The following LGR4 variants were observed in gnomAD, a reference collection of about 807,000 sequenced individuals.
LGR4 encodes leucine rich repeat containing G protein-coupled receptor 4.
In LGR4, 44 loss-of-function variants were observed where a neutral mutation model predicts 84.8. The observed-to-expected ratio is 0.52, with a 90% CI of 0.41 to 0.67. The LOEUF (loss-of-function observed/expected upper bound fraction) is 0.67. Ranked by LOEUF, LGR4 falls within the 30% of genes least tolerant of loss-of-function variation. The pLI, the probability that LGR4 is intolerant of heterozygous loss-of-function variation, is 0.00. For synonymous variants in LGR4, 429 were observed against 434.3 expected (o/e 0.99, Z 0.15); for missense variants, 1,032 against 1,131.4 (o/e 0.91, Z 1.26).
At chr11:27,437,828 T>A (rs1160126659) in intron 1 of LGR4, among the ~76,000 whole-genome samples, 1 of 151,932 alleles carries the variant, frequency 6.6e-6, no homozygotes, top group Non-Finnish European at 1.5e-5. Context: ...ATAGTGAGAT[T>A]CTGTCTCTAC....
At chr11:27,411,726 T>C (rs531202518) in intron 2 of LGR4, among the ~76,000 whole-genome samples, 7 of 152,256 alleles carry the variant, frequency 4.6e-5, no homozygotes, top group African/African-American at 1.7e-4. Flanking sequence ...GGGAGCATTA[T>C]GTTTGACTAA....
chr11:27,374,345 A>G (rs1661456942), intron 13 of LGR4, among the ~76,000 whole-genome samples: 2 of 152,220 alleles, frequency 1.3e-5, no homozygotes, highest in South Asian at 2.1e-4. Flanking sequence ...ATGATATGAT[A>G]TAACCTTTGG....
intron 17 of LGR4, among the ~76,000 whole-genome samples, chr11:27,370,207 T>G (rs1862854200): frequency 6.6e-6 from 1 of 152,238 alleles, no homozygotes; most frequent in Non-Finnish European, 1.5e-5. Flanking sequence ...TGTTAAGATA[T>G]TCACAGACCT....
intron 2 of LGR4, among the ~76,000 whole-genome samples, chr11:27,403,157 A>C (rs1411851136): frequency 6.6e-6 from 1 of 152,224 alleles, no homozygotes; most frequent in Non-Finnish European, 1.5e-5. Context: ...ACATCCAATA[A>C]ACAAAGACTA....
chr11:27,400,907 G>A (rs1486085778), intron 2 of LGR4, among the ~76,000 whole-genome samples: 3 of 152,128 alleles, frequency 2.0e-5, no homozygotes, highest in African/African-American at 4.8e-5. Flanking sequence ...GTTCTGCTTC[G>A]ACACTGTTGC....
chr11:27,443,144 CTAG>C (rs1864331060), intron 1 of LGR4, among the ~76,000 whole-genome samples: 1 of 152,134 alleles, frequency 6.6e-6, no homozygotes, highest in South Asian at 2.1e-4. Context: ...AATGGAAGGC[CTAG>C]AGTCTTACTG....
At chr11:27,451,291 C>T (rs557001813) in intron 1 of LGR4, among the ~76,000 whole-genome samples, 1 of 152,278 alleles carries the variant, frequency 6.6e-6, no homozygotes, top group African/African-American at 2.4e-5. Flanking sequence ...ACCCACCAGA[C>T]ATCACTTAAG....
intron 2 of LGR4, among the ~76,000 whole-genome samples, chr11:27,397,877 G>T (rs1423137749): frequency 2.0e-5 from 3 of 152,172 alleles, no homozygotes; most frequent in Non-Finnish European, 4.4e-5. Context: ...TGCTACAACA[G>T]CCCCAGAAGC....
rs544155492 is a variant in LGR4 at position 27,390,161 on chromosome 11, G to A, written c.401+933C>T. Among the ~76,000 whole-genome samples, 10 of 151,848 alleles carry A rather than the reference G, an allele frequency of 6.6e-5. No homozygotes were observed. In the South Asian group the frequency reaches 8.3e-4, roughly 13 times the overall value. On this transcript the variant is annotated intron_variant, in intron 4 of 17. Coordinates refer to ENST00000379214, the MANE Select transcript of LGR4 (RefSeq NM_018490.5). ...TTTCCAGGGATGTCTCTTTGGTGCCGTTAAAAATGGCTTTATGTTAGCAAA... is the reference window on the plus strand; with the variant it reads ...TTTCCAGGGATGTCTCTTTGGTGCCATTAAAAATGGCTTTATGTTAGCAAA...
chr11:27,373,377 G>A (rs1348168997), intron 15 of LGR4, 174 bp downstream of exon 15: 1 of 536,286 alleles, frequency 1.9e-6, no homozygotes, highest in South Asian at 4.0e-5. Context: ...CTTAAAGACT[G>A]TGGAATAATG....
In LGR4 at chr11:27,377,159, T is replaced by A. The variant is rs1435873921; in HGVS notation, c.1108A>T (p.Ile370Phe). 5.1e-6 allele frequency: 8 copies of A among 1,575,054 alleles called. No homozygotes were observed. The highest frequency in any genetic ancestry group is 7.0e-6 in the Non-Finnish European group (8 of 1,149,558). ...SFNGCHALEE[I>F]SLQRNQIYQI... is the part of the protein sequence containing the mutation. ...GGAATAAGTCAAAGACCAACTCACA[T>A]TTCTTCCAGAGCATGGCAACCATTA... is the stretch of plus-strand genomic sequence containing the variant. Residue 370 changes from isoleucine (I) to phenylalanine (F), a missense_variant and splice_region_variant, in exon 12 of 18, where the codon ATT (isoleucine) becomes TTT (phenylalanine). Physicochemically the swap from Ile to Phe is conservative, Grantham distance 21. Coordinates refer to ENST00000379214, the MANE Select transcript of LGR4 (RefSeq NM_018490.5).
chr11:27,412,496 G>A (rs945645284), intron 2 of LGR4, among the ~76,000 whole-genome samples: 1 of 152,128 alleles, frequency 6.6e-6, no homozygotes, highest in African/African-American at 2.4e-5. Context: ...GAATAACACT[G>A]TAATTAACTG....
chr11:27,378,833 C>A, intron 10 of LGR4, 65 bp from the exon 11 acceptor site: 1 of 1,103,636 alleles, frequency 9.1e-7, no homozygotes, highest in Non-Finnish European at 1.4e-6. Context: ...AATTTATTCC[C>A]ATATAGAATA....
chr11:27,420,376 G>A lies in LGR4; in HGVS notation c.186-7516C>T, dbSNP rs141782430. Among the ~76,000 whole-genome samples, 3 of 152,214 alleles carry A rather than the reference G, an allele frequency of 2.0e-5. No homozygotes were observed. The East Asian group carries it at 5.8e-4, about 30-fold the overall frequency. ...TCTGTGCCTGTGTGCTAGGACAAGT[G>A]AGACACAGTCTCTACCCTCAAGAGC... On this transcript the variant is annotated intron_variant, in intron 1 of 17. Coordinates refer to ENST00000379214, the MANE Select transcript of LGR4 (RefSeq NM_018490.5).
intron 2 of LGR4, among the ~76,000 whole-genome samples, chr11:27,403,993 A>C (rs1052980327): frequency 1.3e-5 from 2 of 152,210 alleles, no homozygotes; most frequent in Non-Finnish European, 2.9e-5. Context: ...ACTAAAGCAC[A>C]TATTTATTGT....
chr11:27,459,807 G>A (rs774639025), intron 1 of LGR4, among the ~76,000 whole-genome samples: 7 of 151,856 alleles, frequency 4.6e-5, no homozygotes, highest in Non-Finnish European at 7.4e-5. Context: ...TAAGCACTGA[G>A]AGTCTGGGTG....
In LGR4 at chr11:27,380,887, A is replaced by C; in HGVS notation, c.830+8T>G. The C allele has an allele frequency of 1.3e-6, 2 of 1,499,352 alleles. No homozygotes were observed. Among genetic ancestry groups the C allele is most frequent in the Non-Finnish European group, 1.9e-6 (2 of 1,078,368 alleles). The allele number at this position is 1,499,352 out of a possible 1,614,324, so 92.9% of individuals were successfully genotyped here. Reference sequence around the variant, plus strand: ...TATACATTAAAAGAAACTTTCAAAAATACTTACATAGTTCTTAAGAGTGGA... The same window carrying C: ...TATACATTAAAAGAAACTTTCAAAACTACTTACATAGTTCTTAAGAGTGGA... On this transcript the variant is annotated splice_region_variant and intron_variant, in intron 8 of 17. Coordinates refer to ENST00000379214, the MANE Select transcript of LGR4 (RefSeq NM_018490.5).
chr11:27,456,590 A>G (rs1423363221), intron 1 of LGR4, among the ~76,000 whole-genome samples: 1 of 152,206 alleles, frequency 6.6e-6, no homozygotes, highest in Non-Finnish European at 1.5e-5. Context: ...TAGAAACAGA[A>G]AAGTGAGTCT....
At chr11:27,433,393 A>C (rs1430916580) in intron 1 of LGR4, among the ~76,000 whole-genome samples, 2 of 96,908 alleles carry the variant, frequency 2.1e-5, no homozygotes, top group East Asian at 3.3e-4. Flanking sequence ...ATTTATTTTT[A>C]TTTCTTTTTT....
Sources: gnomAD v4.1 joint callset for allele counts (sites outside exome capture counted in the v4.1 genomes callset) on GRCh38, gnomAD v4.1.1 for gene constraint, MANE v1.5 for transcripts, NCBI Gene and HGNC (gene_info 2026-07-23, HGNC 2026-07-21) for gene names.